Variants in AKAP13 observed in about 807,000 individuals in gnomAD.
AKAP13 encodes the protein A-kinase anchor protein 13.
Under a neutral mutation model 264.5 loss-of-function variants are expected in AKAP13, and 80 were observed. That is an observed-to-expected ratio of 0.30 (90% CI 0.25 to 0.36). The LOEUF (loss-of-function observed/expected upper bound fraction) is 0.36. Among genes scored for constraint, AKAP13 ranks in the 10% least tolerant of loss-of-function variants. The probability of loss-of-function intolerance (pLI) is 1.00; values close to 1 mark genes in which losing one functional copy is unlikely to be tolerated. For missense variants in AKAP13, 3,712 were observed against 3,435.2 expected, an observed-to-expected ratio of 1.08 and a Z score of -2.01; for synonymous variants, 1,380 against 1,250.2, an observed-to-expected ratio of 1.10 and a Z score of -2.19.
intron 30 of AKAP13, among the ~76,000 whole-genome samples, chr15:85,732,832 T>C (rs1210834665): frequency 6.6e-6 from 1 of 151,258 alleles, no homozygotes; most frequent in Non-Finnish European, 1.5e-5. Flanking sequence ...CTAATTACTA[T>C]TGCTAATACT....
At chr15:85,523,134 G>A (rs1395135433) in intron 3 of AKAP13, among the ~76,000 whole-genome samples, 1 of 151,832 alleles carries the variant, frequency 6.6e-6, no homozygotes, top group Non-Finnish European at 1.5e-5. Flanking sequence ...GTGTGCAAGG[G>A]TACCAGTGAG....
intron 1 of AKAP13, among the ~76,000 whole-genome samples, chr15:85,458,662 G>T (rs1048857416): frequency 2.0e-5 from 3 of 151,920 alleles, no homozygotes; most frequent in Non-Finnish European, 4.4e-5. Flanking sequence ...TGAAACTTAG[G>T]GTGATCATTT....
chr15:85,709,775 T>C (rs1055427037), intron 18 of AKAP13, among the ~76,000 whole-genome samples: 1 of 151,976 alleles, frequency 6.6e-6, no homozygotes, highest in Non-Finnish European at 1.5e-5. Context: ...GCAACCTCCA[T>C]GTCCCAGGTT....
intron 14 of AKAP13, among the ~76,000 whole-genome samples, chr15:85,675,107 C>G (rs141675634): frequency 2.6e-5 from 4 of 152,104 alleles, no homozygotes; most frequent in Non-Finnish European, 4.4e-5. Flanking sequence ...TTCCATATGT[C>G]AGGGATACTC....
intron 2 of AKAP13, among the ~76,000 whole-genome samples, chr15:85,499,556 G>A (rs1228618384): frequency 6.6e-6 from 1 of 152,134 alleles, no homozygotes; most frequent in Non-Finnish European, 1.5e-5. Context: ...CTGAGTCATT[G>A]GTACTTCAGG....
At chr15:85,721,266 CT>C (rs1355883777) in intron 23 of AKAP13, among the ~76,000 whole-genome samples, 4 of 152,218 alleles carry the variant, frequency 2.6e-5, no homozygotes, top group Non-Finnish European at 4.4e-5. Context: ...GAGCAGATAA[CT>C]TACCGTCCCT....
chr15:85,686,197 G>GTGT (rs574696463), intron 16 of AKAP13, among the ~76,000 whole-genome samples: 1 of 151,786 alleles, frequency 6.6e-6, no homozygotes, highest in African/African-American at 2.4e-5. Flanking sequence ...ATGCATGTGT[G>GTGT]TGTGTGTGTG....
intron 1 of AKAP13, among the ~76,000 whole-genome samples, chr15:85,424,825 T>TGG (rs1360201065): frequency 6.6e-6 from 1 of 152,186 alleles, no homozygotes; most frequent in African/African-American, 2.4e-5. Context: ...GAAGCCATCA[T>TGG]GGGGTTATTC....
At chr15:85,451,786 C>T (rs1251465024) in intron 1 of AKAP13, among the ~76,000 whole-genome samples, 1 of 152,206 alleles carries the variant, frequency 6.6e-6, no homozygotes, top group Non-Finnish European at 1.5e-5. Flanking sequence ...TTTTCCCTAA[C>T]TGCCTTTAAC....
intron 1 of AKAP13, among the ~76,000 whole-genome samples, chr15:85,390,719 C>T (rs1880025950): frequency 6.6e-6 from 1 of 152,028 alleles, no homozygotes; most frequent in African/African-American, 2.4e-5. Context: ...TGGTGAGAAG[C>T]GGTTTGAATC....
intron 36 of AKAP13, chr15:85,744,398 A>G (rs1346186880): frequency 3.8e-6 from 2 of 532,528 alleles, no homozygotes; most frequent in African/African-American, 2.0e-5. Flanking sequence ...TGGCCTCTTC[A>G]TAAATTCTAG....
At chr15:85,633,403 A>T (rs1020745083) in intron 8 of AKAP13, among the ~76,000 whole-genome samples, 3 of 152,064 alleles carry the variant, frequency 2.0e-5, no homozygotes, top group Non-Finnish European at 1.5e-5. Context: ...CCAGCTTAAA[A>T]GTGTAGTTTT....
chr15:85,611,029 G>T (rs1253499375), intron 8 of AKAP13, among the ~76,000 whole-genome samples: 1 of 151,126 alleles, frequency 6.6e-6, no homozygotes, highest in South Asian at 2.1e-4. Flanking sequence ...TGAAATAGTA[G>T]AATATTTAAA....
chr15:85,641,302 C>T (rs1413630632), intron 9 of AKAP13, among the ~76,000 whole-genome samples: 3 of 150,968 alleles, frequency 2.0e-5, no homozygotes, highest in South Asian at 2.1e-4. Context: ...AAAAATTAGC[C>T]GGGTGTGGTG....
intron 8 of AKAP13, among the ~76,000 whole-genome samples, chr15:85,607,221 T>A (rs2080392279): frequency 6.6e-6 from 1 of 152,194 alleles, no homozygotes; most frequent in South Asian, 2.1e-4. Flanking sequence ...AGTTATCAGA[T>A]AATCAGAAGA....
chr15:85,673,628 T>C (rs2084038265), intron 14 of AKAP13, among the ~76,000 whole-genome samples: 3 of 151,636 alleles, frequency 2.0e-5, no homozygotes, highest in East Asian at 1.9e-4. Context: ...TTCACATGTA[T>C]AGAATTCAGT....
chr15:85,726,522 A>AAAAT, intron 27 of AKAP13, 36 bp downstream of exon 27: 2 of 1,552,474 alleles, frequency 1.3e-6, no homozygotes, highest in Non-Finnish European at 1.8e-6. Flanking sequence ...TAGTATTATA[A>AAAAT]GCAGCTAGTT....
rs1048120378 is a variant in AKAP13 at position 85,620,106 on chromosome 15, C to T, written c.4162-19268C>T. Reference sequence around the variant, plus strand: ...ATTTGGGCAAAATGTATGAACGGCACAAGAGGCGCTACAGCCTCTGTGACA... The same window carrying T: ...ATTTGGGCAAAATGTATGAACGGCATAAGAGGCGCTACAGCCTCTGTGACA... On this transcript the variant is annotated intron_variant, in intron 8 of 36. Transcript: ENST00000394518. 10 of 1,535,956 alleles carry T rather than the reference C, an allele frequency of 6.5e-6. No homozygotes were observed. In the African/African-American group the frequency reaches 1.4e-4, roughly 21 times the overall value.
intron 1 of AKAP13, among the ~76,000 whole-genome samples, chr15:85,384,977 C>T (rs886293974): frequency 6.6e-6 from 1 of 152,062 alleles, no homozygotes; most frequent in African/African-American, 2.4e-5. Flanking sequence ...ATGTGGATAT[C>T]AGTGTGTTTG....
Sources: allele counts gnomAD v4.1 joint callset (sites outside exome capture counted in the v4.1 genomes callset), GRCh38; gene constraint gnomAD v4.1.1; transcripts MANE v1.5; gene names NCBI Gene and HGNC (gene_info 2026-07-23, HGNC 2026-07-21).